The following SPTAN1 variants were observed in gnomAD, a reference collection of about 807,000 sequenced individuals.
The protein encoded by SPTAN1 is spectrin alpha chain, non-erythrocytic 1.
SPTAN1 carries 61 observed loss-of-function variants against 331.3 expected under a neutral mutation model. The ratio of observed to expected loss-of-function variants is 0.18; its 90% CI spans 0.15 to 0.23. The LOEUF is 0.23. Ranked by LOEUF, SPTAN1 falls within the 10% of genes least tolerant of loss-of-function variation. SPTAN1 has a pLI of 1.00. For missense variants in SPTAN1, 2,043 were observed against 3,147.9 expected (o/e 0.65, Z 8.40); for synonymous variants, 1,153 against 1,173.9 (o/e 0.98, Z 0.36).
At chr9:128,567,910 G>A (rs1045409927) in intron 2 of SPTAN1, among the ~76,000 whole-genome samples, 3 of 151,882 alleles carry the variant, frequency 2.0e-5, no homozygotes, top group Admixed American at 6.6e-5. Flanking sequence ...GTAGGCACGC[G>A]ACACCACGCC....
In SPTAN1 at chr9:128,583,139, A is replaced by T. The variant is rs1057523195; in HGVS notation, c.1869A>T (p.Ala623=). 1 of 1,614,086 alleles carries T rather than the reference A, an allele frequency of 6.2e-7. No individual in the cohort carries two copies. Among genetic ancestry groups the T allele is most frequent in the African/African-American group, 1.3e-5 (1 of 74,936 alleles). ...AGGCTTTTGAGGCTGAGCTCTCAGCAAACCAGAGCCGAATTGATGCCTTGG... is the reference window on the plus strand; with the variant it reads ...AGGCTTTTGAGGCTGAGCTCTCAGCTAACCAGAGCCGAATTGATGCCTTGG... ...KHQAFEAELS[A]NQSRIDALEK... Residue 623 remains alanine, a synonymous_variant, in exon 15 of 57, where the codon GCA becomes GCT. Transcript: ENST00000372739.
intron 40 of SPTAN1, among the ~76,000 whole-genome samples, chr9:128,615,224 GGTT>G (rs1462692399): frequency 6.6e-6 from 1 of 152,130 alleles, no homozygotes; most frequent in Non-Finnish European, 1.5e-5. Flanking sequence ...TTTGTTCGGT[GGTT>G]GTTCTTTCAA....
At position 128,633,408 on chromosome 9, in the gene SPTAN1, T is replaced by C; in HGVS notation, c.*74T>C. The C allele has an allele frequency of 6.2e-7, 1 of 1,606,800 alleles. No individual in the cohort carries two copies. The highest frequency in any genetic ancestry group is 8.5e-7 in the Non-Finnish European group (1 of 1,177,278). ...GCTGCATGTCCGCTCCTCTGTGTGC[T>C]CTCACTTTCCACTGTAACCTTAAGC... On this transcript the variant is annotated 3_prime_UTR_variant, in exon 57 of 57. Transcript: ENST00000372739.
At chr9:128,601,388 A>C (rs908153427) in intron 27 of SPTAN1, 1 of 151,988 alleles carries the variant, frequency 6.6e-6, no homozygotes, top group African/African-American at 2.4e-5. Context: ...GGAATACATC[A>C]CTTGAGTTAC....
At chr9:128,632,017 G>A (rs1859829336) in intron 52 of SPTAN1, 110 bp from the exon 53 acceptor site, 1 of 1,103,674 alleles carries the variant, frequency 9.1e-7, no homozygotes, top group Non-Finnish European at 1.3e-6. Context: ...CTTGTTTTAC[G>A]AGGTCTCAGG....
Position 128,627,669 on chromosome 9 carries a change from T to C in SPTAN1, c.6689+171T>C, listed in dbSNP as rs1175666508. On this transcript the variant is annotated intron_variant, in intron 50 of 56. Transcript: ENST00000372739. This position sits in a 1 kb window ranked among gnomAD's most constrained non-coding sequence, Gnocchi z 4.9. ...GGCTCTGGAGCCGGGAGTGGGGGCA[T>C]AGGTGGAGCAGCCTCTCAGTGCTGC... 8.8e-6 allele frequency: 7 copies of C among 791,320 alleles called. No individual in the cohort carries two copies. The highest frequency in any genetic ancestry group is 6.8e-5 in the African/African-American group (4 of 59,140). The allele number at this position is 791,320 out of a possible 1,614,324, so 49.0% of individuals were successfully genotyped here.
At chr9:128,617,402 G>A (rs892824216) in intron 41 of SPTAN1, among the ~76,000 whole-genome samples, 2 of 152,106 alleles carry the variant, frequency 1.3e-5, no homozygotes, top group African/African-American at 2.4e-5. Context: ...CCATCCTCCA[G>A]TGCATCCCCA....
In SPTAN1 at chr9:128,611,799, C is replaced by G; in HGVS notation, c.4859C>G (p.Ser1620Cys). 1 of 1,614,154 alleles carries G rather than the reference C, an allele frequency of 6.2e-7. No homozygotes were observed. The highest frequency in any genetic ancestry group is 8.5e-7 in the Non-Finnish European group (1 of 1,180,034). ...CGTGGGGTTATCGACATGGGCAACT[C>G]CCTCATTGAACGTGGAGCCTGTGCC... ...RIRGVIDMGN[S>C]LIERGACAGS... The change falls in exon 38 of 57, where the codon TCC (serine) becomes TGC (cysteine). Residue 1620 changes from serine (S) to cysteine (C), a missense_variant. Coordinates refer to ENST00000372739, the MANE Select transcript of SPTAN1 (RefSeq NM_001130438.3).
chr9:128,623,794 T>C (rs1012352763), intron 45 of SPTAN1, among the ~76,000 whole-genome samples: 2 of 151,844 alleles, frequency 1.3e-5, no homozygotes, highest in African/African-American at 4.8e-5. Context: ...TAGAATTAAT[T>C]CCTTGGACCG....
chr9:128,589,310 A>T (rs1270879337), intron 21 of SPTAN1, among the ~76,000 whole-genome samples: 1 of 122,844 alleles, frequency 8.1e-6, no homozygotes, highest in Admixed American at 1.0e-4. Flanking sequence ...TTTTTTTGAG[A>T]CAGAGTCTCG....
At chr9:128,608,602 T>C (rs1856202111) in intron 34 of SPTAN1, among the ~76,000 whole-genome samples, 2 of 152,216 alleles carry the variant, frequency 1.3e-5, no homozygotes, top group Non-Finnish European at 2.9e-5. Flanking sequence ...TTTCCTATTA[T>C]CAGGCTTAAT....
rs889690499 is a variant in SPTAN1 at position 128,626,158 on chromosome 9, C to A, written c.6279+180C>A. 22 of 866,306 alleles carry A rather than the reference C, an allele frequency of 2.5e-5. No individual in the cohort carries two copies. The African/African-American group carries it at 3.2e-4, about 13-fold the overall frequency. The allele number at this position is 866,306 out of a possible 1,614,324, so 53.7% of individuals were successfully genotyped here. A position where few individuals can be genotyped will look rare whatever the true frequency, so the allele number is the denominator to read the frequency against. On this transcript the variant is annotated intron_variant, in intron 48 of 56. Coordinates refer to ENST00000372739, the MANE Select transcript of SPTAN1 (RefSeq NM_001130438.3). ...GGCAAATGAGAGGGCCCTGTGAGAT[C>A]GCCATTCAGAAGCACGCAGGACAGA...
At position 128,577,913 on chromosome 9, in the gene SPTAN1, T is replaced by G. The variant is rs1396161557; in HGVS notation, c.1086-197T>G. 7.2e-5 allele frequency among the ~76,000 whole-genome samples: 11 copies of G among 152,182 alleles called. No homozygotes were observed. Among genetic ancestry groups the G allele is most frequent in the Admixed American group, 7.2e-4 (11 of 15,266 alleles). ...GGGCATTATAGTGATGGAGAGAACC[T>G]AAGTTTTAAAGGGTTGATTTCAGCC... On this transcript the variant is annotated intron_variant, in intron 8 of 56. Transcript: ENST00000372739. This position sits in a 1 kb window ranked among gnomAD's most constrained non-coding sequence, Gnocchi z 4.2.
intron 24 of SPTAN1, among the ~76,000 whole-genome samples, chr9:128,596,870 A>T (rs1854369154): frequency 6.6e-6 from 1 of 151,556 alleles, no homozygotes; most frequent in Admixed American, 6.6e-5. Context: ...AATTGAAAAA[A>T]TTTTTCTGGC....
intron 53 of SPTAN1, 39 bp downstream of exon 53, chr9:128,632,362 A>G (rs1032148784): frequency 1.2e-6 from 2 of 1,613,558 alleles, no homozygotes; most frequent in Admixed American, 3.3e-5. Context: ...AGCCCAGAGC[A>G]GGGGGAGGAA....
chr9:128,588,802 T>A lies in SPTAN1; in HGVS notation c.2872-7T>A, dbSNP rs1486722254. On this transcript the variant is annotated splice_polypyrimidine_tract_variant and splice_region_variant and intron_variant, in intron 20 of 56. Coordinates refer to ENST00000372739, the MANE Select transcript of SPTAN1 (RefSeq NM_001130438.3). ...TTACCATGTTTGCCCTTCCTTTGGA[T>A]TTTTAGCAACAAGTGGCCCCCACGG... 3 of 1,613,830 alleles carry A rather than the reference T, an allele frequency of 1.9e-6. No individual in the cohort carries two copies. Among genetic ancestry groups the A allele is most frequent in the Non-Finnish European group, 1.7e-6 (2 of 1,180,032 alleles).
In SPTAN1 at chr9:128,608,897, G is replaced by A. The variant is rs1430495860; in HGVS notation, c.4515G>A (p.Gln1505=). 1 of 1,614,202 alleles carries A rather than the reference G, an allele frequency of 6.2e-7. No homozygotes were observed. The highest frequency in any genetic ancestry group is 8.5e-7 in the Non-Finnish European group (1 of 1,180,044). The part of the protein sequence containing the change: ...NVQEEKIAAL[Q]AFADQLIAAG... ...AGGAAGAGAAGATTGCTGCTCTGCA[G>A]GCCTTTGCCGACCAGCTCATCGCTG... Residue 1505 remains glutamine (Q), a synonymous_variant, in exon 35 of 57, where the codon CAG becomes CAA. Coordinates refer to ENST00000372739, the MANE Select transcript of SPTAN1 (RefSeq NM_001130438.3).
At chr9:128,591,338 T>C in intron 21 of SPTAN1, 139 bp from the exon 22 acceptor site, 4 of 1,027,322 alleles carry the variant, frequency 3.9e-6, no homozygotes, top group Non-Finnish European at 6.0e-6. Context: ...AGTGCTGGGA[T>C]TATAGGTGTG....
In SPTAN1 at chr9:128,612,361, A is replaced by G. The variant is rs149816850; in HGVS notation, c.5043+115A>G. On this transcript the variant is annotated intron_variant, in intron 39 of 56. Transcript: ENST00000372739. Reference sequence around the variant, plus strand: ...CAGGGCTCACCAGACACCCCTTTTGACAGAAACCCTTATTATATATGAGTT... The same window carrying G: ...CAGGGCTCACCAGACACCCCTTTTGGCAGAAACCCTTATTATATATGAGTT... 1.9e-5 allele frequency: 25 copies of G among 1,321,104 alleles called. No homozygotes were observed. The African/African-American group carries it at 3.5e-4, about 18-fold the overall frequency. 81.8% of individuals were successfully genotyped at this position (1,321,104 alleles called of 1,614,324 possible).
Sources: allele counts gnomAD v4.1 joint callset (sites outside exome capture counted in the v4.1 genomes callset), GRCh38; gene constraint gnomAD v4.1.1; non-coding constraint Gnocchi (gnomAD v3.1); transcripts MANE v1.5; gene names NCBI Gene and HGNC (gene_info 2026-07-23, HGNC 2026-07-21).